The following AJAP1 variants were observed in gnomAD, a reference collection of about 807,000 sequenced individuals.
The protein encoded by AJAP1 is adherens junction-associated protein 1.
In AJAP1, 5 loss-of-function variants were observed where a neutral mutation model predicts 35.0. That is an observed-to-expected ratio of 0.14 (90% CI 0.07 to 0.30). The LOEUF is 0.30. Ranked by LOEUF, AJAP1 falls within the 10% of genes least tolerant of loss-of-function variation. The pLI, the probability that AJAP1 is intolerant of heterozygous loss-of-function variation, is 1.00. For synonymous variants in AJAP1, 284 were observed against 249.3 expected (o/e 1.14, Z -1.31); for missense variants, 586 against 571.0 (o/e 1.03, Z -0.27).
At chr1:4,737,768 T>C (rs962279829) in intron 2 of AJAP1, among the ~76,000 whole-genome samples, 4 of 152,186 alleles carry the variant, frequency 2.6e-5, no homozygotes, top group African/African-American at 9.7e-5. Context: ...GATGTAGTGG[T>C]GCATGCACCT....
chr1:4,753,061 G>A (rs1482982563), intron 2 of AJAP1, among the ~76,000 whole-genome samples: 1 of 140,386 alleles, frequency 7.1e-6, no homozygotes, highest in African/African-American at 2.8e-5. Context: ...GCCAACCAGA[G>A]AGCCTACCAT....
rs1638843489 is a variant in AJAP1 at position 4,655,023 on chromosome 1, G to T, written c.-403G>T. ...CGCCGGGAGACACGCACCGTGAGCGGCAGCGCCGCCGGCCTCCCTCCTCGC... is the reference window on the plus strand; with the variant it reads ...CGCCGGGAGACACGCACCGTGAGCGTCAGCGCCGCCGGCCTCCCTCCTCGC... On this transcript the variant is annotated 5_prime_UTR_variant, in exon 1 of 6. Transcript: ENST00000378191. The surrounding 1 kb of genome is among the most constrained non-coding windows in gnomAD (Gnocchi z 6.9). The T allele has an allele frequency of 6.6e-6, 1 of 150,698 alleles. No homozygotes were observed. Among genetic ancestry groups the T allele is most frequent in the Admixed American group, 6.6e-5 (1 of 15,158 alleles). 9.3% of individuals were successfully genotyped at this position (150,698 alleles called of 1,614,324 possible). A position where few individuals can be genotyped will look rare whatever the true frequency, so the allele number is the denominator to read the frequency against.
chr1:4,707,075 C>T (rs547233356), intron 1 of AJAP1, among the ~76,000 whole-genome samples: 6 of 152,192 alleles, frequency 3.9e-5, no homozygotes, highest in South Asian at 2.1e-4. Flanking sequence ...CCCTGTCTCA[C>T]GTTCAGGGTG....
intron 2 of AJAP1, among the ~76,000 whole-genome samples, chr1:4,754,253 A>C (rs1413351325): frequency 6.6e-6 from 1 of 152,220 alleles, no homozygotes; most frequent in Admixed American, 6.5e-5. Context: ...CCTGGCACAT[A>C]GCACACTCAT....
At position 4,752,567 on chromosome 1, in the gene AJAP1, T is replaced by A. The variant is rs547560919; in HGVS notation, c.830-17286T>A. On this transcript the variant is annotated intron_variant, in intron 2 of 5. Coordinates refer to ENST00000378191, the MANE Select transcript of AJAP1 (RefSeq NM_018836.4). The stretch of plus-strand genomic sequence containing the variant: ...ATCATATTATGGAGTTTAAATTAAA[T>A]CAGCAGGAGGGAGCCCAGCACAGCT... 4.6e-5 allele frequency among the ~76,000 whole-genome samples: 7 copies of A among 152,198 alleles called. 1 individual carries two copies. In the South Asian group the frequency reaches 1.2e-3, roughly 27 times the overall value.
intron 1 of AJAP1, among the ~76,000 whole-genome samples, chr1:4,710,818 G>A (rs987579582): frequency 1.3e-5 from 2 of 152,222 alleles, no homozygotes; most frequent in African/African-American, 2.4e-5. Flanking sequence ...CCTTCCACGT[G>A]GCTCTCTGCC....
chr1:4,768,725 C>A (rs1460194975), intron 2 of AJAP1, among the ~76,000 whole-genome samples: 1 of 152,190 alleles, frequency 6.6e-6, no homozygotes, highest in Non-Finnish European at 1.5e-5. Context: ...GGTGCTGCCA[C>A]CTGCGGGCTT....
chr1:4,664,930 G>T (rs953276715), intron 1 of AJAP1, among the ~76,000 whole-genome samples: 1 of 152,160 alleles, frequency 6.6e-6, no homozygotes, highest in African/African-American at 2.4e-5. Context: ...ACTAGGCAGG[G>T]TCATTGTATT....
At chr1:4,683,119 C>G (rs1232306496) in intron 1 of AJAP1, among the ~76,000 whole-genome samples, 1 of 152,218 alleles carries the variant, frequency 6.6e-6, no homozygotes, top group Non-Finnish European at 1.5e-5. Context: ...AATTTGGACT[C>G]TTACCTGCTG....
intron 2 of AJAP1, among the ~76,000 whole-genome samples, chr1:4,726,611 G>C (rs1457200235): frequency 6.6e-6 from 1 of 152,118 alleles, no homozygotes; most frequent in Non-Finnish European, 1.5e-5. Flanking sequence ...CCACTGTGTG[G>C]CCCTAGTGAG....
chr1:4,767,839 G>C (rs915569467), intron 2 of AJAP1, among the ~76,000 whole-genome samples: 3 of 152,212 alleles, frequency 2.0e-5, no homozygotes, highest in African/African-American at 7.2e-5. Flanking sequence ...TGGGCCAGAG[G>C]GAGTGTGTGG....
chr1:4,747,906 C>T (rs1641227009), intron 2 of AJAP1, among the ~76,000 whole-genome samples: 1 of 151,688 alleles, frequency 6.6e-6, no homozygotes, highest in South Asian at 2.1e-4. Context: ...GCACGAGAAT[C>T]ACTTGAGCCC....
intron 5 of AJAP1, among the ~76,000 whole-genome samples, chr1:4,778,838 C>T (rs1013561384): frequency 2.0e-5 from 3 of 152,098 alleles, no homozygotes; most frequent in Admixed American, 6.6e-5. Context: ...CCATTAGGGA[C>T]GGGTCTTAGC....
intron 1 of AJAP1, among the ~76,000 whole-genome samples, chr1:4,708,660 G>A (rs1557618756): frequency 6.6e-6 from 1 of 152,220 alleles, no homozygotes. Context: ...CAGAGATGCA[G>A]CCTCTCACCA....
At chr1:4,762,358 T>G (rs1264682212) in intron 2 of AJAP1, among the ~76,000 whole-genome samples, 1 of 152,160 alleles carries the variant, frequency 6.6e-6, no homozygotes, top group Non-Finnish European at 1.5e-5. Context: ...GGCCAGATAA[T>G]ACAACGGTAC....
intron 5 of AJAP1, among the ~76,000 whole-genome samples, chr1:4,775,108 A>G (rs1427015982): frequency 6.6e-6 from 1 of 152,258 alleles, no homozygotes; most frequent in African/African-American, 2.4e-5. Context: ...ATTTGAAGCC[A>G]GGAACCGGCA....
At position 4,656,199 on chromosome 1, in the gene AJAP1, G is replaced by A. The variant is rs1357364337; in HGVS notation, c.29+745G>A. ...ATGGAAGAGGGGGTTCGAGCCTAGA[G>A]CCCGTGGTGGGGGTGTCCAGAAAGA... On this transcript the variant is annotated intron_variant, in intron 1 of 5. Transcript: ENST00000378191. This position sits in a 1 kb window ranked among gnomAD's most constrained non-coding sequence, Gnocchi z 5.7. 1.3e-5 allele frequency among the ~76,000 whole-genome samples: 2 copies of A among 152,172 alleles called. No individual in the cohort carries two copies. Among genetic ancestry groups the A allele is most frequent in the African/African-American group, 4.8e-5 (2 of 41,454 alleles).
At chr1:4,750,968 C>T (rs1641307118) in intron 2 of AJAP1, among the ~76,000 whole-genome samples, 1 of 151,030 alleles carries the variant, frequency 6.6e-6, no homozygotes. Context: ...TCTCCCAATC[C>T]CCAGTGTAGA....
chr1:4,655,492 G>T lies in AJAP1; in HGVS notation c.29+38G>T. On this transcript the variant is annotated intron_variant, in intron 1 of 5. Coordinates refer to ENST00000378191, the MANE Select transcript of AJAP1 (RefSeq NM_018836.4). This position sits in a 1 kb window ranked among gnomAD's most constrained non-coding sequence, Gnocchi z 6.9. Reference sequence around the variant, plus strand: ...GCCGGCGCCGGGTGCGTGTGGGCGCGTGGGTGCCAGGCTGGGCGGAAGCGG... The same window carrying T: ...GCCGGCGCCGGGTGCGTGTGGGCGCTTGGGTGCCAGGCTGGGCGGAAGCGG... The T allele has an allele frequency of 1.9e-6, 3 of 1,558,434 alleles. No homozygotes were observed. Among genetic ancestry groups the T allele is most frequent in the Middle Eastern group, 1.7e-4 (1 of 5,862 alleles).
Sources: gnomAD v4.1 joint callset for allele counts (sites outside exome capture counted in the v4.1 genomes callset) on GRCh38, gnomAD v4.1.1 for gene constraint, Gnocchi (gnomAD v3.1) non-coding constraint, MANE v1.5 for transcripts, NCBI Gene and HGNC (gene_info 2026-07-23, HGNC 2026-07-21) for gene names.